Variants in OVCH1 observed in about 807,000 individuals in gnomAD.
OVCH1 encodes the protein ovochymase 1.
Under a neutral mutation model 138.4 loss-of-function variants are expected in OVCH1, and 139 were observed. The ratio of observed to expected loss-of-function variants is 1.00; its 90% CI spans 0.87 to 1.16. OVCH1 has a LOEUF of 1.16. Ranked by LOEUF, OVCH1 falls within the 50% of genes most tolerant of loss-of-function variation. The pLI, the probability that OVCH1 is intolerant of heterozygous loss-of-function variation, is 0.00. For missense variants in OVCH1, 1,367 were observed against 1,357.9 expected (o/e 1.01, Z -0.11); for synonymous variants, 453 against 467.8 (o/e 0.97, Z 0.41).
At chr12:29,473,982 C>T (rs1198144350) in intron 14 of OVCH1, among the ~76,000 whole-genome samples, 3 of 151,868 alleles carry the variant, frequency 2.0e-5, no homozygotes, top group South Asian at 2.1e-4. Context: ...TTTTGGGACT[C>T]GGACTGGCTT....
intron 18 of OVCH1, 77 bp from the exon 19 acceptor site, chr12:29,462,085 A>G: frequency 4.0e-6 from 6 of 1,483,962 alleles, no homozygotes; most frequent in Non-Finnish European, 4.6e-6. Context: ...TTAAGTTCAG[A>G]TGTAGCTCTG....
chr12:29,445,432 A>G (rs754527082), intron 22 of OVCH1, 29 bp from the exon 23 acceptor site: 4 of 1,576,970 alleles, frequency 2.5e-6, no homozygotes, highest in Non-Finnish European at 3.4e-6. Flanking sequence ...TCTAGTAAAA[A>G]ATAAGAATGA....
At chr12:29,421,015 C>T (rs532275635) in intron 3 of OVCH1, among the ~76,000 whole-genome samples, 16 of 152,296 alleles carry the variant, frequency 1.1e-4, no homozygotes, top group African/African-American at 3.6e-4. Context: ...TCTCAGAGAC[C>T]CTGCACCACA....
chr12:29,413,952 C>T (rs1350561101), intron 3 of OVCH1, among the ~76,000 whole-genome samples: 4 of 151,716 alleles, frequency 2.6e-5, no homozygotes, highest in Admixed American at 1.3e-4. Flanking sequence ...TTTTCTTGAG[C>T]TAAACCGTTT....
At chr12:29,412,804 T>A (rs1206569250) in intron 3 of OVCH1, 2 of 152,222 alleles carry the variant, frequency 1.3e-5, no homozygotes, top group Non-Finnish European at 2.9e-5. Context: ...CTATGTTGTT[T>A]GCTCTTCAGT....
intron 14 of OVCH1, among the ~76,000 whole-genome samples, chr12:29,474,438 T>C (rs1942634169): frequency 6.6e-6 from 1 of 152,180 alleles, no homozygotes; most frequent in Admixed American, 6.5e-5. Flanking sequence ...AATGAGATAA[T>C]GCATGTGAAA....
At chr12:29,464,398 CT>C (rs1565589453) in intron 18 of OVCH1, 108 bp downstream of exon 18, 5 of 1,204,556 alleles carry the variant, frequency 4.2e-6, no homozygotes, top group Admixed American at 2.0e-5. Flanking sequence ...TGGTTTCTAT[CT>C]TTTAGAAAGA....
chr12:29,455,300 C>T lies in OVCH1; in HGVS notation c.2386G>A (p.Val796Ile), dbSNP rs754221962. The change falls in exon 20 of 28, where the codon GTA becomes ATA. Residue 796 changes from valine to isoleucine, a missense_variant. Coordinates refer to ENST00000318184, the Ensembl canonical transcript of OVCH1. ...AAGAAGATCATCACTCTGGCAAATACACCCGGCTTCCATGGCTGGACACAG... is the reference window on the plus strand; with the variant it reads ...AAGAAGATCATCACTCTGGCAAATATACCCGGCTTCCATGGCTGGACACAG... The T allele has an allele frequency of 3.7e-6, 6 of 1,613,872 alleles. No individual in the cohort carries two copies. In the East Asian group the frequency reaches 6.7e-5, roughly 18 times the overall value.
At chr12:29,472,436 CAT>C (rs1347840794) in intron 15 of OVCH1, among the ~76,000 whole-genome samples, 1 of 152,162 alleles carries the variant, frequency 6.6e-6, no homozygotes, top group Non-Finnish European at 1.5e-5. Context: ...AATCCTCAAA[CAT>C]ATCAAATTTG....
intron 8 of OVCH1, among the ~76,000 whole-genome samples, chr12:29,484,247 G>C (rs4244846): frequency 0.59 from 89,205 of 152,030 alleles, 26,674 homozygotes; most frequent in East Asian, 0.74. Context: ...TTTCCATCTT[G>C]TAGGTGATGC....
At chr12:29,491,274 C>A in intron 4 of OVCH1, 82 bp from the exon 5 acceptor site, 1 of 1,180,070 alleles carries the variant, frequency 8.5e-7, no homozygotes, top group Non-Finnish European at 1.2e-6. Flanking sequence ...CTCTTGATTT[C>A]ATGGCTTCTA....
chr12:29,405,690 G>C, the OVCH1 span, among the ~76,000 whole-genome samples: 3 of 152,104 alleles, frequency 2.0e-5, no homozygotes, highest in Admixed American at 1.3e-4. Flanking sequence ...TACGGTTCTA[G>C]GATGAGAGAA....
chr12:29,472,101 T>C (rs1247731796), intron 15 of OVCH1, 119 bp from the exon 16 acceptor site: 1 of 1,096,908 alleles, frequency 9.1e-7, no homozygotes, highest in Non-Finnish European at 1.2e-6. Context: ...TTTATAATAA[T>C]ATTGACTCCC....
chr12:29,426,760 T>C (rs1441950468), downstream of OVCH1, among the ~76,000 whole-genome samples: 1 of 152,218 alleles, frequency 6.6e-6, no homozygotes, highest in Non-Finnish European at 1.5e-5. Context: ...ATTATTGTTA[T>C]CCTCCTCTAA....
intron 3 of OVCH1, among the ~76,000 whole-genome samples, chr12:29,413,873 C>T (rs1450165742): frequency 2.0e-5 from 2 of 99,006 alleles, no homozygotes; most frequent in Non-Finnish European, 5.4e-5. Flanking sequence ...TGCCTATGCA[C>T]ATCCAAATCT....
chr12:29,439,053 C>T (rs1941417446), intron 26 of OVCH1, among the ~76,000 whole-genome samples: 1 of 152,142 alleles, frequency 6.6e-6, no homozygotes, highest in Non-Finnish European at 1.5e-5. Context: ...GAGGGCAGAA[C>T]AATTCTTAAT....
At chr12:29,496,260 C>T (rs1464167080) in exon 3 of OVCH1, 2 of 1,605,994 alleles carry the variant, frequency 1.2e-6, no homozygotes, top group South Asian at 1.1e-5. Flanking sequence ...AAGTGGTGCT[C>T]ATCTGATTTT....
At chr12:29,477,161 A>G in exon 12 of OVCH1, 3 of 1,613,668 alleles carry the variant, frequency 1.9e-6, no homozygotes, top group Non-Finnish European at 2.5e-6. Context: ...TTACTGGGAT[A>G]CAAATCAGGA....
chr12:29,436,896 C>T (rs1941372406), intron 26 of OVCH1, among the ~76,000 whole-genome samples: 1 of 152,310 alleles, frequency 6.6e-6, no homozygotes, highest in African/African-American at 2.4e-5. Context: ...AAGAACAAAG[C>T]TTCCACAGCA....
Sources: allele counts gnomAD v4.1 joint callset (sites outside exome capture counted in the v4.1 genomes callset), GRCh38; gene constraint gnomAD v4.1.1; transcripts MANE v1.5; gene names NCBI Gene and HGNC (gene_info 2026-07-23, HGNC 2026-07-21).